Variants in NT5C2 observed in about 807,000 individuals in gnomAD.
The protein encoded by NT5C2 is 5'-nucleotidase, cytosolic II, also known as cytosolic purine 5'-nucleotidase.
In NT5C2, 58 loss-of-function variants were observed where a neutral mutation model predicts 76.1. The observed-to-expected ratio is 0.76, with a 90% CI of 0.62 to 0.95. The LOEUF (loss-of-function observed/expected upper bound fraction) is 0.95, where lower values mean the gene tolerates loss of function less well. Ranked by LOEUF, NT5C2 falls within the 40% of genes least tolerant of loss-of-function variation. The pLI is 0.00. For missense variants in NT5C2, 478 were observed against 690.3 expected (o/e 0.69, Z 3.45); for synonymous variants, 229 against 237.4 (o/e 0.96, Z 0.32).
At chr10:103,171,647 T>C (rs963472111) in intron 3 of NT5C2, among the ~76,000 whole-genome samples, 2 of 152,218 alleles carry the variant, frequency 1.3e-5, no homozygotes, top group African/African-American at 4.8e-5. Flanking sequence ...ATTTCTAATT[T>C]CTTCTTAAAA....
chr10:103,168,909 A>G (rs901248922), intron 3 of NT5C2, among the ~76,000 whole-genome samples: 1 of 152,262 alleles, frequency 6.6e-6, no homozygotes, highest in African/African-American at 2.4e-5. Flanking sequence ...ATGATAAATT[A>G]CCAATCCAAA....
Position 103,101,223 on chromosome 10 carries a change from G to C in NT5C2, c.481+12C>G. 2 of 1,531,226 alleles carry C rather than the reference G, an allele frequency of 1.3e-6. No homozygotes were observed. Among genetic ancestry groups the C allele is most frequent in the South Asian group, 2.2e-5 (2 of 89,112 alleles). 94.9% of individuals were successfully genotyped at this position (1,531,226 alleles called of 1,614,324 possible). On this transcript the variant is annotated intron_variant, in intron 7 of 18. Coordinates refer to ENST00000404739, the MANE Select transcript of NT5C2 (RefSeq NM_001351169.2). ...GAAAGCATCAGTATAAATAAGCATA[G>C]AATGAATCTACCTGGTAGGTTGAAT...
rs2134439858 is a variant in NT5C2 at position 103,089,499 on chromosome 10, T to C, written c.*173A>G. 2 of 1,228,276 alleles carry C rather than the reference T, an allele frequency of 1.6e-6. No individual in the cohort carries two copies. The highest frequency in any genetic ancestry group is 1.1e-6 in the Non-Finnish European group (1 of 918,976). 76.1% of individuals were successfully genotyped at this position (1,228,276 alleles called of 1,614,324 possible). A position where few individuals can be genotyped will look rare whatever the true frequency, so the allele number is the denominator to read the frequency against. On this transcript the variant is annotated 3_prime_UTR_variant, in exon 19 of 19. Coordinates refer to ENST00000404739, the MANE Select transcript of NT5C2 (RefSeq NM_001351169.2). ...TTGGACCATCTGCAGAGAGTACAGATACACAAAACCAAAACAAGTATCTAT... is the reference window on the plus strand; with the variant it reads ...TTGGACCATCTGCAGAGAGTACAGACACACAAAACCAAAACAAGTATCTAT...
Position 103,179,843 on chromosome 10 carries a change from T to G in NT5C2, c.-25+1342A>C, listed in dbSNP as rs180791646. ...TTTATTCTCTTAGAAGGTTAGATTATCTCTGCAACCTTGTTTGTATACTTA... is the reference window on the plus strand; with the variant it reads ...TTTATTCTCTTAGAAGGTTAGATTAGCTCTGCAACCTTGTTTGTATACTTA... On this transcript the variant is annotated intron_variant, in intron 2 of 18. Coordinates refer to ENST00000404739, the MANE Select transcript of NT5C2 (RefSeq NM_001351169.2). Among the ~76,000 whole-genome samples the G allele has an allele frequency of 1.3e-3, 191 of 152,374 alleles. 5 individuals are homozygous for G. The highest frequency in any genetic ancestry group is 3.4e-3 in the Middle Eastern group (1 of 294).
At position 103,089,526 on chromosome 10, in the gene NT5C2, A is replaced by C; in HGVS notation, c.*146T>G. On this transcript the variant is annotated 3_prime_UTR_variant, in exon 19 of 19. Coordinates refer to ENST00000404739, the MANE Select transcript of NT5C2 (RefSeq NM_001351169.2). The stretch of plus-strand genomic sequence containing the variant: ...CACAAAACCAAAACAAGTATCTATG[A>C]TAATAAAATCTTCAGAAACTTTTCA... 2.9e-6 allele frequency: 4 copies of C among 1,374,268 alleles called. No homozygotes were observed. Among genetic ancestry groups the C allele is most frequent in the Non-Finnish European group, 3.8e-6 (4 of 1,044,588 alleles). The allele number at this position is 1,374,268 out of a possible 1,614,324, so 85.1% of individuals were successfully genotyped here.
rs1039912208 is a variant in NT5C2, at chr10:103,100,558, G to A, written c.539+487C>T. 1.4e-4 allele frequency: 59 copies of A among 411,982 alleles called. No individual in the cohort carries two copies. In the Admixed American group the frequency reaches 1.5e-3, roughly 10 times the overall value. 25.5% of individuals were successfully genotyped at this position (411,982 alleles called of 1,614,324 possible). On this transcript the variant is annotated intron_variant, in intron 8 of 18. Coordinates refer to ENST00000404739, the MANE Select transcript of NT5C2 (RefSeq NM_001351169.2). ...GGCTATATAATTCTCCCTAAAGGGA[G>A]AGGATAACTTGTTTAAGACTTACGC...
chr10:103,111,004 G>A (rs1402480987), intron 4 of NT5C2, among the ~76,000 whole-genome samples: 2 of 152,012 alleles, frequency 1.3e-5, no homozygotes, highest in African/African-American at 4.8e-5. Context: ...AATCAACCAG[G>A]CCCTACAAAG....
chr10:103,094,507 A>G (rs1276671416), intron 12 of NT5C2, 52 bp from the exon 13 acceptor site: 4 of 901,648 alleles, frequency 4.4e-6, no homozygotes, highest in Non-Finnish European at 7.4e-6. Context: ...ACCTTAAGGC[A>G]TTACTATTTA....
intron 3 of NT5C2, among the ~76,000 whole-genome samples, chr10:103,143,512 C>T (rs2080912031): frequency 6.6e-6 from 1 of 151,770 alleles, no homozygotes; most frequent in Non-Finnish European, 1.5e-5. Flanking sequence ...CTCACTGCAG[C>T]CTCAACCTCC....
At chr10:103,161,644 A>C (rs2084915647) in intron 3 of NT5C2, among the ~76,000 whole-genome samples, 1 of 152,166 alleles carries the variant, frequency 6.6e-6, no homozygotes, top group African/African-American at 2.4e-5. Context: ...GTATCATTTG[A>C]GCCCATGAGT....
chr10:103,169,723 G>A (rs1440230181), intron 3 of NT5C2, among the ~76,000 whole-genome samples: 2 of 152,022 alleles, frequency 1.3e-5, no homozygotes, highest in African/African-American at 4.8e-5. Context: ...GCTCACATCT[G>A]TAATTCCAGC....
At position 103,097,291 on chromosome 10, in the gene NT5C2, A is replaced by AGAT. The variant is rs2068443512; in HGVS notation, c.770_771insATC (p.Asp257delinsGluSer). 6.2e-7 allele frequency: 1 copy of AGAT among 1,607,386 alleles called. No individual in the cohort carries two copies. Among genetic ancestry groups the AGAT allele is most frequent in the Non-Finnish European group, 8.5e-7 (1 of 1,174,870 alleles). On this transcript the variant is annotated protein_altering_variant and splice_region_variant, in exon 11 of 19. Transcript: ENST00000404739. ...ATAAATATACACATGAAGCACTTAC[A>AGAT]TCTGTATATTTATAGTCACTGTTGG...
At chr10:103,114,678 C>T (rs955210464) in intron 4 of NT5C2, among the ~76,000 whole-genome samples, 2 of 152,162 alleles carry the variant, frequency 1.3e-5, no homozygotes, top group African/African-American at 4.8e-5. Context: ...GAAATACATT[C>T]ATTCTTTAAT....
intron 2 of NT5C2, among the ~76,000 whole-genome samples, 194 bp from the exon 3 acceptor site, chr10:103,175,176 TC>T (rs2089515123): frequency 6.6e-6 from 1 of 152,144 alleles, no homozygotes; most frequent in Non-Finnish European, 1.5e-5. Flanking sequence ...AAAAATAATT[TC>T]ATATGGTAAT....
intron 3 of NT5C2, chr10:103,169,434 C>T (rs7081075): frequency 0.41 from 62,265 of 151,832 alleles, 12,964 homozygotes; most frequent in East Asian, 0.56. Flanking sequence ...CTGGGTAACA[C>T]AGCAAGACTT....
chr10:103,161,717 C>CG (rs2084937460), intron 3 of NT5C2, among the ~76,000 whole-genome samples: 6 of 151,604 alleles, frequency 4.0e-5, no homozygotes. Flanking sequence ...GAGTAAGACT[C>CG]CAACTCTTAA....
At chr10:103,127,465 A>G (rs1349112084) in intron 4 of NT5C2, among the ~76,000 whole-genome samples, 1 of 152,224 alleles carries the variant, frequency 6.6e-6, no homozygotes, top group African/African-American at 2.4e-5. Flanking sequence ...TTAGGCTGGC[A>G]TTTAGATGAG....
intron 1 of NT5C2, among the ~76,000 whole-genome samples, chr10:103,183,032 ACTTACAAATACATCCC>A (rs2091359177): frequency 6.6e-6 from 1 of 151,956 alleles, no homozygotes; most frequent in African/African-American, 2.4e-5. Context: ...AGACCAACTT[ACTTACAAATACATCCC>A]CTTAAAAACA....
In NT5C2 at chr10:103,094,117, A is replaced by AC. The variant is rs1176773091; in HGVS notation, c.922-80dup. 9.0e-4 allele frequency: 515 copies of AC among 571,874 alleles called. 6 individuals are homozygous for AC. Among genetic ancestry groups the AC allele is most frequent in the Middle Eastern group, 2.4e-3 (7 of 2,878 alleles). The allele number at this position is 571,874 out of a possible 1,614,324, so 35.4% of individuals were successfully genotyped here. A position where few individuals can be genotyped will look rare whatever the true frequency, so the allele number is the denominator to read the frequency against. On this transcript the variant is annotated intron_variant, in intron 13 of 18. Transcript: ENST00000404739. Reference sequence around the variant, plus strand: ...CCTCACCCCACAACCCTCCCATCCCACCCCCCACCACCAGTGCTACTTGGC... The same window carrying AC: ...CCTCACCCCACAACCCTCCCATCCCACCCCCCCACCACCAGTGCTACTTGGC...
Sources: gnomAD v4.1 joint callset for allele counts (sites outside exome capture counted in the v4.1 genomes callset) on GRCh38, gnomAD v4.1.1 for gene constraint, MANE v1.5 for transcripts, NCBI Gene and HGNC (gene_info 2026-07-23, HGNC 2026-07-21) for gene names.